Variants in FBXW7 observed in about 807,000 individuals in gnomAD.
FBXW7 encodes F-box/WD repeat-containing protein 7.
FBXW7 carries 11 observed loss-of-function variants against 86.3 expected under a neutral mutation model. The ratio of observed to expected loss-of-function variants is 0.13; its 90% confidence interval spans 0.08 to 0.21. The LOEUF is 0.21. Ranked by LOEUF, FBXW7 falls within the 10% of genes least tolerant of loss-of-function variation. The probability of loss-of-function intolerance (pLI) is 1.00; values close to 1 mark genes in which losing one functional copy is unlikely to be tolerated. For missense variants in FBXW7, 488 were observed against 847.4 expected (o/e 0.58, Z 5.27); for synonymous variants, 313 against 297.9 (o/e 1.05, Z -0.52).
At chr4:152,371,279 T>A (rs1733980717) in intron 4 of FBXW7, among the ~76,000 whole-genome samples, 1 of 151,942 alleles carries the variant, frequency 6.6e-6, no homozygotes, top group East Asian at 1.9e-4. Context: ...CCTTCCATAG[T>A]GGCATGGAAA....
chr4:152,487,106 C>T (rs1745415680), intron 2 of FBXW7, among the ~76,000 whole-genome samples: 1 of 151,960 alleles, frequency 6.6e-6, no homozygotes, highest in Non-Finnish European at 1.5e-5. Flanking sequence ...AGAAGAATGC[C>T]AGCTAATAAA....
At chr4:152,364,152 G>A (rs188735889) in intron 4 of FBXW7, among the ~76,000 whole-genome samples, 348 of 152,192 alleles carry the variant, frequency 2.3e-3, no homozygotes, top group Non-Finnish European at 3.3e-3. Flanking sequence ...CAGTGGCTCC[G>A]CTTGGTTAAG....
chr4:152,409,436 T>C (rs755385408), intron 4 of FBXW7, among the ~76,000 whole-genome samples: 1 of 152,206 alleles, frequency 6.6e-6, no homozygotes, highest in African/African-American at 2.4e-5. Context: ...AAAACATGTA[T>C]ACACGGAGAA....
At chr4:152,352,819 C>A (rs1731973151) in intron 4 of FBXW7, 1 of 1,553,942 alleles carries the variant, frequency 6.4e-7, no homozygotes, top group South Asian at 1.2e-5. Context: ...CCTGTCAAAG[C>A]CTTGACTGAA....
intron 2 of FBXW7, among the ~76,000 whole-genome samples, chr4:152,425,551 A>C (rs1240240853): frequency 1.3e-5 from 2 of 152,188 alleles, no homozygotes; most frequent in Non-Finnish European, 2.9e-5. Flanking sequence ...GATACTATGA[A>C]AAACTTTCTC....
At chr4:152,419,680 C>A in intron 2 of FBXW7, among the ~76,000 whole-genome samples, 1 of 152,080 alleles carries the variant, frequency 6.6e-6, no homozygotes, top group East Asian at 1.9e-4. Flanking sequence ...CCTCAGAAAA[C>A]TGCAGGTTCA....
intron 2 of FBXW7, among the ~76,000 whole-genome samples, chr4:152,511,415 TC>T (rs1747964526): frequency 9.0e-6 from 1 of 111,312 alleles, no homozygotes; most frequent in Non-Finnish European, 1.6e-5. Flanking sequence ...ATCTATAGTT[TC>T]TTTTTTTTCT....
chr4:152,530,559 C>A (rs1213494891), intron 2 of FBXW7: 1 of 152,214 alleles, frequency 6.6e-6, no homozygotes, highest in East Asian at 1.9e-4. Context: ...GATGGTATCA[C>A]CCCGACCCTC....
At chr4:152,458,643 T>C (rs190432233) in intron 2 of FBXW7, among the ~76,000 whole-genome samples, 1 of 152,224 alleles carries the variant, frequency 6.6e-6, no homozygotes, top group Non-Finnish European at 1.5e-5. Context: ...GTTAACATCA[T>C]GCTGGATTGT....
chr4:152,455,620 C>A (rs920545631), intron 2 of FBXW7, among the ~76,000 whole-genome samples: 17 of 152,218 alleles, frequency 1.1e-4, no homozygotes, highest in African/African-American at 3.4e-4. Flanking sequence ...AATTTCAAAG[C>A]CACTTTCACC....
chr4:152,462,910 T>C (rs75634479), intron 2 of FBXW7, among the ~76,000 whole-genome samples: 1,996 of 151,072 alleles, frequency 0.013, 25 homozygotes, highest in Middle Eastern at 0.037. Context: ...CCACTTCCAC[T>C]TCCAGTCTTT....
At chr4:152,485,249 T>C (rs927831050) in intron 2 of FBXW7, among the ~76,000 whole-genome samples, 6 of 152,090 alleles carry the variant, frequency 3.9e-5, no homozygotes, top group African/African-American at 1.2e-4. Context: ...GATAAGTAAA[T>C]AGGCTTAACC....
At chr4:152,470,898 A>T (rs2149651195) in intron 2 of FBXW7, among the ~76,000 whole-genome samples, 1 of 152,296 alleles carries the variant, frequency 6.6e-6, no homozygotes, top group East Asian at 1.9e-4. Flanking sequence ...GACTCCTCAA[A>T]AACAAAACAT....
intron 2 of FBXW7, among the ~76,000 whole-genome samples, chr4:152,497,079 C>T (rs1033421395): frequency 2.6e-5 from 4 of 152,080 alleles, no homozygotes; most frequent in Non-Finnish European, 2.9e-5. Context: ...TCCCAACACT[C>T]TGGGAGGCCA....
At chr4:152,417,116 C>G (rs1342713879) in intron 2 of FBXW7, among the ~76,000 whole-genome samples, 1 of 152,114 alleles carries the variant, frequency 6.6e-6, no homozygotes, top group African/African-American at 2.4e-5. Flanking sequence ...AGTCAGGGTT[C>G]CAACTATCAC....
intron 2 of FBXW7, among the ~76,000 whole-genome samples, chr4:152,452,958 G>A (rs1466648792): frequency 2.6e-5 from 4 of 152,174 alleles, no homozygotes; most frequent in Non-Finnish European, 2.9e-5. Context: ...TGAGGCAGGT[G>A]GGTTCCTGAG....
At chr4:152,480,386 C>G (rs996612116) in intron 2 of FBXW7, among the ~76,000 whole-genome samples, 2 of 152,118 alleles carry the variant, frequency 1.3e-5, no homozygotes, top group Non-Finnish European at 2.9e-5. Context: ...CAGCCAATCC[C>G]TATCTCTCTC....
At chr4:152,380,901 A>C (rs1376394962) in intron 4 of FBXW7, among the ~76,000 whole-genome samples, 1 of 152,030 alleles carries the variant, frequency 6.6e-6, no homozygotes, top group East Asian at 1.9e-4. Flanking sequence ...CTTTAAAGCT[A>C]TTAGAGGCCT....
chr4:152,391,080 A>G (rs987349149), intron 4 of FBXW7, among the ~76,000 whole-genome samples: 7 of 152,088 alleles, frequency 4.6e-5, no homozygotes, highest in South Asian at 2.1e-4. Flanking sequence ...AAAAATCAAT[A>G]TATTTTGAGA....
Sources: gnomAD v4.1 joint callset for allele counts (sites outside exome capture counted in the v4.1 genomes callset) on GRCh38, gnomAD v4.1.1 for gene constraint, MANE v1.5 for transcripts, NCBI Gene and HGNC (gene_info 2026-07-23, HGNC 2026-07-21) for gene names.